The following RALGDS variants were observed in gnomAD, a reference collection of about 807,000 sequenced individuals.
RALGDS encodes the protein ral guanine nucleotide dissociation stimulator.
In RALGDS, 44 loss-of-function variants were observed where a neutral mutation model predicts 99.8. That is an observed-to-expected ratio of 0.44 (90% CI 0.35 to 0.57). The LOEUF (loss-of-function observed/expected upper bound fraction) is 0.57, where lower values mean the gene tolerates loss of function less well. Among genes scored for constraint, RALGDS ranks in the 20% least tolerant of loss-of-function variants. The pLI, the probability that RALGDS is intolerant of heterozygous loss-of-function variation, is 0.01. For missense variants in RALGDS, 1,022 were observed against 1,203.1 expected (o/e 0.85, Z 2.23); for synonymous variants, 529 against 505.0 (o/e 1.05, Z -0.64).
At chr9:133,113,756 G>A (rs1831463096) in intron 1 of RALGDS, among the ~76,000 whole-genome samples, 1 of 152,228 alleles carries the variant, frequency 6.6e-6, no homozygotes, top group Non-Finnish European at 1.5e-5. Context: ...ACTGCCTCCT[G>A]TGAAGGCCGT....
At chr9:133,102,451 CT>C in intron 14 of RALGDS, 24 bp downstream of exon 14, 1 of 1,608,674 alleles carries the variant, frequency 6.2e-7, no homozygotes, top group Non-Finnish European at 8.5e-7. Context: ...GCAGCTGCCC[CT>C]ACCACCCTTG....
intron 3 of RALGDS, 64 bp from the exon 4 acceptor site, chr9:133,109,785 G>A: frequency 7.0e-7 from 1 of 1,427,534 alleles, no homozygotes; most frequent in Non-Finnish European, 9.9e-7. Context: ...AGGAGGGCAG[G>A]GATTTTTTTT....
upstream of RALGDS, among the ~76,000 whole-genome samples, chr9:133,135,393 G>A (rs927696458): frequency 2.0e-5 from 3 of 152,240 alleles, no homozygotes; most frequent in Non-Finnish European, 2.9e-5. Flanking sequence ...CTGCCTGCCC[G>A]CCGGCCCCTA....
At chr9:133,098,918 T>C in intron 17 of RALGDS, 156 bp from the exon 18 acceptor site, 2 of 695,330 alleles carry the variant, frequency 2.9e-6, no homozygotes, top group Non-Finnish European at 4.9e-6. Flanking sequence ...TCTCAATGAC[T>C]CCTGCCTGAG....
chr9:133,119,680 C>T lies in RALGDS; in HGVS notation c.183+1292G>A, dbSNP rs78125397. ...TGGGCTGGTGTCAGCCTCCCACCCC[C>T]ACCCTCCCAGGGGTCCCTCTCCAGC... On this transcript the variant is annotated intron_variant, in intron 1 of 17. Transcript: ENST00000372050. 3.0e-3 allele frequency among the ~76,000 whole-genome samples: 463 copies of T among 152,222 alleles called. 3 individuals are homozygous for T. Among genetic ancestry groups the T allele is most frequent in the African/African-American group, 0.011 (451 of 41,526 alleles).
upstream of RALGDS, among the ~76,000 whole-genome samples, chr9:133,131,868 C>T (rs954208346): frequency 2.6e-5 from 4 of 152,226 alleles, no homozygotes; most frequent in Admixed American, 6.5e-5. Flanking sequence ...GGCACAAGGG[C>T]GCTGGAGGAT....
Position 133,107,161 on chromosome 9 carries a change from G to T in RALGDS, c.1337C>A (p.Thr446Asn). The T allele has an allele frequency of 6.2e-7, 1 of 1,613,780 alleles. No individual in the cohort carries two copies. The highest frequency in any genetic ancestry group is 1.6e-4 in the Middle Eastern group (1 of 6,062). Residue 446 changes from threonine to asparagine, a missense_variant, in exon 7 of 18, where the codon ACC becomes AAC. This residue lies in a region of RALGDS where 825 missense variants were observed against 994.5 expected (regional missense o/e 0.83). Transcript: ENST00000372050. ...QFNSVANCVI[T>N]TCLGNRSTKA... ...CGTGCTTCGGTTCCCGAGGCAGGTG[G>T]TGATGACACAGTTGGCCACACTGTT...
At chr9:133,123,241 CTG>C (rs1832010885), upstream of RALGDS, among the ~76,000 whole-genome samples, 1 of 152,212 alleles carries the variant, frequency 6.6e-6, no homozygotes, top group Non-Finnish European at 1.5e-5. Context: ...CCTCCGGAAA[CTG>C]AAAGTCCAGA....
chr9:133,122,791 G>A (rs1461634785), upstream of RALGDS, among the ~76,000 whole-genome samples: 2 of 151,044 alleles, frequency 1.3e-5, no homozygotes, highest in Non-Finnish European at 3.0e-5. Flanking sequence ...TAAGGCCTCC[G>A]CCTCTTGGGG....
chr9:133,101,750 C>T lies in RALGDS; in HGVS notation c.2224G>A (p.Ala742Thr). ...DGQEKKFWES[A>T]SQSSPETSGI... ...GAGGTCTCCGGGGATGACTGTGAGG[C>T]TGATTCCCAGAACTGAGGGAGACGG... Residue 742 changes from alanine (A) to threonine (T), a missense_variant, in exon 16 of 18, where the codon GCC becomes ACC. Physicochemically the swap from Ala to Thr is moderately conservative, Grantham distance 58. Transcript: ENST00000372050. The T allele has an allele frequency of 6.2e-7, 1 of 1,609,818 alleles. No individual in the cohort carries two copies. The highest frequency in any genetic ancestry group is 8.5e-7 in the Non-Finnish European group (1 of 1,178,030).
upstream of RALGDS, among the ~76,000 whole-genome samples, chr9:133,122,059 G>A (rs188332195): frequency 3.5e-3 from 537 of 152,358 alleles, 10 homozygotes; most frequent in Non-Finnish European, 1.5e-3. Context: ...AAGGAGGAAG[G>A]CATCAAGAGT....
rs1373479617 is a variant in RALGDS, at chr9:133,101,931, C to A, written c.2211+7G>T. 18 of 1,550,982 alleles carry A rather than the reference C, an allele frequency of 1.2e-5. No individual in the cohort carries two copies. The highest frequency in any genetic ancestry group is 1.5e-5 in the Non-Finnish European group (17 of 1,147,008). ...AAAGGATATTGGGGAGAAGGGCAGGCAGTCACCTTCTTTTCCTGGCCATCA... is the reference window on the plus strand; with the variant it reads ...AAAGGATATTGGGGAGAAGGGCAGGAAGTCACCTTCTTTTCCTGGCCATCA... On this transcript the variant is annotated splice_region_variant and intron_variant, in intron 15 of 17. Transcript: ENST00000372050.
chr9:133,143,175 C>T lies in RALGDS; in HGVS notation c.18+5788G>A, dbSNP rs551734845. ...GCTAGCGTGCAATGGTGACTGACCA[C>T]GCCACTGATGGCAGAGTGGCCACTG... On this transcript the variant is annotated intron_variant, in intron 1 of 17. Coordinates refer to the RALGDS transcript ENST00000393160. Among the ~76,000 whole-genome samples, 196 of 152,344 alleles carry T rather than the reference C, an allele frequency of 1.3e-3. 1 individual carries two copies. Among genetic ancestry groups the T allele is most frequent in the African/African-American group, 4.4e-3 (182 of 41,568 alleles).
upstream of RALGDS, among the ~76,000 whole-genome samples, chr9:133,123,159 G>A (rs1832008503): frequency 6.6e-6 from 1 of 152,140 alleles, no homozygotes; most frequent in Non-Finnish European, 1.5e-5. Flanking sequence ...GCCACAAAGA[G>A]GTGACCGAGA....
chr9:133,108,820 C>T lies in RALGDS; in HGVS notation c.631G>A (p.Asp211Asn), dbSNP rs1204700443. 1.2e-6 allele frequency: 2 copies of T among 1,613,308 alleles called. No individual in the cohort carries two copies. The highest frequency in any genetic ancestry group is 1.7e-5 in the Admixed American group (1 of 60,022). ...LGTWLDQYSE[D>N]FCQPPDFPCL... ...GGAAAGTCCGGAGGTTGACAGAAATCCTCCGAGTACTGGTCCAGCCAGGTG... is the reference window on the plus strand; with the variant it reads ...GGAAAGTCCGGAGGTTGACAGAAATTCTCCGAGTACTGGTCCAGCCAGGTG... Residue 211 changes from aspartate to asparagine, a missense_variant, in exon 5 of 18, where the codon GAT (aspartate) becomes AAT (asparagine). Around this residue, in one of 3 missense-constraint regions of RALGDS, gnomAD observed 825 missense variants for 994.5 expected, o/e 0.83. Transcript: ENST00000372050.
At chr9:133,123,540 G>A (rs911933016), upstream of RALGDS, among the ~76,000 whole-genome samples, 10 of 152,110 alleles carry the variant, frequency 6.6e-5, no homozygotes, top group South Asian at 2.1e-4. Flanking sequence ...GAGCCAGGGC[G>A]GGGGAGGGCG....
At chr9:133,123,088 C>T (rs1832004149), upstream of RALGDS, among the ~76,000 whole-genome samples, 2 of 152,054 alleles carry the variant, frequency 1.3e-5, no homozygotes, top group African/African-American at 4.8e-5. Context: ...AGCCTCCAAG[C>T]CGTTTGGCCA....
intron 16 of RALGDS, chr9:133,101,064 C>A: frequency 9.2e-7 from 1 of 1,085,688 alleles, no homozygotes; most frequent in Non-Finnish European, 1.1e-6. Flanking sequence ...GTCTCCAAAT[C>A]CTGTCTAGAC....
At position 133,121,134 on chromosome 9, in the gene RALGDS, G is replaced by C. The variant is rs756799399; in HGVS notation, c.21C>G (p.Ala7=). MVQRMW[A]EAAGPAGGAE... is the part of the protein sequence containing the mutation. ...CGCCGCCAGCAGGCCCGGCCGCCTC[G>C]GCCCACATGCGCTGCACCATGGAAG... is the stretch of plus-strand genomic sequence containing the variant. The change falls in exon 1 of 18, where the codon GCC becomes GCG. Residue 7 remains alanine, a synonymous_variant. Coordinates refer to ENST00000372050, the MANE Select transcript of RALGDS (RefSeq NM_006266.4). 3.9e-4 allele frequency: 563 copies of C among 1,444,824 alleles called. 2 individuals are homozygous for C. In the African/African-American group the frequency reaches 7.8e-3, roughly 20 times the overall value. The allele number at this position is 1,444,824 out of a possible 1,614,324, so 89.5% of individuals were successfully genotyped here.
Sources: allele counts gnomAD v4.1 joint callset (sites outside exome capture counted in the v4.1 genomes callset), GRCh38; gene constraint gnomAD v4.1.1; regional missense constraint gnomAD v4.1.1; transcripts MANE v1.5; gene names NCBI Gene and HGNC (gene_info 2026-07-23, HGNC 2026-07-21).